DUSP8: variants seen among roughly 807,000 people sequenced by gnomAD.
The protein encoded by DUSP8 is dual specificity phosphatase 8, also known as dual specificity protein phosphatase 8.
A neutral mutation model predicts 38.7 loss-of-function variants in DUSP8; 15 were observed. The observed-to-expected ratio is 0.39, with a 90% CI of 0.26 to 0.60. The LOEUF (loss-of-function observed/expected upper bound fraction) is 0.60. Ranked by LOEUF, DUSP8 falls within the 20% of genes least tolerant of loss-of-function variation. The pLI is 0.56. For missense variants in DUSP8, 768 were observed against 915.0 expected (o/e 0.84, Z 2.07); for synonymous variants, 458 against 433.9 (o/e 1.06, Z -0.69).
intron 3 of DUSP8, among the ~76,000 whole-genome samples, chr11:1,559,950 G>A (rs1483514802): frequency 1.3e-5 from 2 of 152,228 alleles, no homozygotes; most frequent in Non-Finnish European, 2.9e-5. Flanking sequence ...CCTCCTGCCT[G>A]CCACACAGCA....
At position 1,555,348 on chromosome 11, in the gene DUSP8, C is replaced by T. The variant is rs1374457128; in HGVS notation, c.*1170G>A. The T allele has an allele frequency of 1.0e-6, 1 of 987,774 alleles. No individual in the cohort carries two copies. Among genetic ancestry groups the T allele is most frequent in the Non-Finnish European group, 1.2e-6 (1 of 830,182 alleles). 61.2% of individuals were successfully genotyped at this position (987,774 alleles called of 1,614,324 possible). ...TTTACCTGTCTTGAGGCAGTGCTCCCTAAGTGAAGCAGGCCTATCCCAGCA... is the reference window on the plus strand; with the variant it reads ...TTTACCTGTCTTGAGGCAGTGCTCCTTAAGTGAAGCAGGCCTATCCCAGCA... On this transcript the variant is annotated 3_prime_UTR_variant, in exon 7 of 7. Coordinates refer to ENST00000397374, the MANE Select transcript of DUSP8 (RefSeq NM_004420.3).
chr11:1,559,048 G>A lies in DUSP8; in HGVS notation c.378C>T (p.Phe126=), dbSNP rs1484722275. The change falls in exon 4 of 7, where the codon TTC becomes TTT. Residue 126 remains phenylalanine (F), a synonymous_variant. Coordinates refer to ENST00000397374, the MANE Select transcript of DUSP8 (RefSeq NM_004420.3). ...CGGGGAAGCAGGAGGAGAAGGTGGC[G>A]AAGCCCCCTGTAGGAGGAGGGCCGT... ...FDSVAILTGG[F]ATFSSCFPGL... 8.7e-6 allele frequency: 14 copies of A among 1,609,518 alleles called. No homozygotes were observed. The East Asian group carries it at 1.1e-4, about 13-fold the overall frequency.
Position 1,555,248 on chromosome 11 carries a change from G to C in DUSP8, c.*1270C>G, listed in dbSNP as rs959384099. On this transcript the variant is annotated 3_prime_UTR_variant, in exon 7 of 7. Coordinates refer to ENST00000397374, the MANE Select transcript of DUSP8 (RefSeq NM_004420.3). ...GGGGCTGGCATGCCACCTAGAGAGA[G>C]AGCACCCTGGGAAAGGGGTGAATGG... 3.0e-6 allele frequency: 3 copies of C among 987,764 alleles called. No individual in the cohort carries two copies. The highest frequency in any genetic ancestry group is 3.6e-6 in the Non-Finnish European group (3 of 830,184). 61.2% of individuals were successfully genotyped at this position (987,764 alleles called of 1,614,324 possible). A position where few individuals can be genotyped will look rare whatever the true frequency, so the allele number is the denominator to read the frequency against.
rs1590800434 is a variant in DUSP8 at position 1,557,352 on chromosome 11, C to T, written c.1044G>A (p.Arg348=). The T allele has an allele frequency of 1.3e-6, 2 of 1,553,390 alleles. No individual in the cohort carries two copies. Among genetic ancestry groups the T allele is most frequent in the South Asian group, 1.2e-5 (1 of 85,352 alleles). ...ESAATGNAAA[R]EGGLSAGGEP... ...CCCCGCCCGCGCTCAGGCCGCCCTC[C>T]CTGGCAGCCGCATTCCCTGTGGCAG... Residue 348 remains arginine, a synonymous_variant, in exon 7 of 7, where the codon AGG becomes AGA. Coordinates refer to ENST00000397374, the MANE Select transcript of DUSP8 (RefSeq NM_004420.3). The surrounding 1 kb of genome is among the most constrained non-coding windows in gnomAD (Gnocchi z 9.9).
rs1401234839 is a variant in DUSP8, at chr11:1,556,516, G to T, written c.*2C>A. 2.3e-6 allele frequency: 3 copies of T among 1,291,512 alleles called. No homozygotes were observed. The highest frequency in any genetic ancestry group is 3.6e-5 in the Admixed American group (1 of 27,580). 80.0% of individuals were successfully genotyped at this position (1,291,512 alleles called of 1,614,324 possible). On this transcript the variant is annotated 3_prime_UTR_variant, in exon 7 of 7. Transcript: ENST00000397374. This position sits in a 1 kb window ranked among gnomAD's most constrained non-coding sequence, Gnocchi z 5.2. ...GCGGCGGGGCCGAGGGCAGCGGAGGGGTCAGGACACCTCGATGACCTCCAC... is the reference window on the plus strand; with the variant it reads ...GCGGCGGGGCCGAGGGCAGCGGAGGTGTCAGGACACCTCGATGACCTCCAC...
Position 1,556,794 on chromosome 11 carries a change from C to T in DUSP8, c.1602G>A (p.Ala534=), listed in dbSNP as rs1848632196. The T allele has an allele frequency of 8.5e-7, 1 of 1,178,386 alleles. No individual in the cohort carries two copies. The allele number at this position is 1,178,386 out of a possible 1,614,324, so 73.0% of individuals were successfully genotyped here. The change falls in exon 7 of 7, where the codon GCG becomes GCA. Residue 534 remains alanine, a synonymous_variant. Coordinates refer to ENST00000397374, the MANE Select transcript of DUSP8 (RefSeq NM_004420.3). The surrounding 1 kb of genome is among the most constrained non-coding windows in gnomAD (Gnocchi z 5.2). ...CGAAGGGCGCAAACAGCACCCCGCCCGCCCCCTGTGCGCCCTCGGGGCTGA... is the reference window on the plus strand; with the variant it reads ...CGAAGGGCGCAAACAGCACCCCGCCTGCCCCCTGTGCGCCCTCGGGGCTGA... ...WCFSPEGAQG[A]GGVLFAPFGR...
Position 1,554,637 on chromosome 11 carries a change from G to T in DUSP8, c.*1881C>A. Reference sequence around the variant, plus strand: ...GGCCTGCAGAAGGGACAAGGGGAAGGGGGAAGGGAGAAGGGGGCCCAACCA... The same window carrying T: ...GGCCTGCAGAAGGGACAAGGGGAAGTGGGAAGGGAGAAGGGGGCCCAACCA... On this transcript the variant is annotated 3_prime_UTR_variant, in exon 7 of 7. Coordinates refer to ENST00000397374, the MANE Select transcript of DUSP8 (RefSeq NM_004420.3). The T allele has an allele frequency of 1.0e-6, 1 of 987,624 alleles. No individual in the cohort carries two copies. 61.2% of individuals were successfully genotyped at this position (987,624 alleles called of 1,614,324 possible).
rs1414500830 is a variant in DUSP8 at position 1,565,831 on chromosome 11, G to A, written c.-5C>T. ...CGGGAGCCGGTCCCCAGCCATGGTG[G>A]GGCAATGGGTGCTGGGGAGGGTGAC... On this transcript the variant is annotated 5_prime_UTR_variant, in exon 2 of 7. Coordinates refer to ENST00000397374, the MANE Select transcript of DUSP8 (RefSeq NM_004420.3). 1 of 1,603,964 alleles carries A rather than the reference G, an allele frequency of 6.2e-7. No individual in the cohort carries two copies.
chr11:1,556,411 T>A lies in DUSP8; in HGVS notation c.*107A>T. 8.2e-6 allele frequency: 10 copies of A among 1,216,814 alleles called. No individual in the cohort carries two copies. The highest frequency in any genetic ancestry group is 1.0e-5 in the Non-Finnish European group (10 of 975,044). The allele number at this position is 1,216,814 out of a possible 1,614,324, so 75.4% of individuals were successfully genotyped here. ...TAAATAAAAAATCGAAATATTTACTTCTCGATAAAAATCCCAGTAAAACCA... is the reference window on the plus strand; with the variant it reads ...TAAATAAAAAATCGAAATATTTACTACTCGATAAAAATCCCAGTAAAACCA... On this transcript the variant is annotated 3_prime_UTR_variant, in exon 7 of 7. Coordinates refer to ENST00000397374, the MANE Select transcript of DUSP8 (RefSeq NM_004420.3). The surrounding 1 kb of genome is among the most constrained non-coding windows in gnomAD (Gnocchi z 5.2).
rs774602842 is a variant in DUSP8, at chr11:1,565,560, ACG to A, written c.231+34_231+35del. 22 of 1,539,136 alleles carry A rather than the reference ACG, an allele frequency of 1.4e-5. No individual in the cohort carries two copies. The African/African-American group carries it at 2.4e-4, about 17-fold the overall frequency. ...AGGGCCCCTTAGCTGTGGACCCTGG[ACG>A]TGATGCATGCCTGGTGGGCAGTGGG... is the stretch of plus-strand genomic sequence containing the variant. On this transcript the variant is annotated intron_variant, in intron 2 of 6. Transcript: ENST00000397374.
intron 1 of DUSP8, among the ~76,000 whole-genome samples, chr11:1,566,194 C>A (rs562168545): frequency 2.4e-4 from 36 of 152,212 alleles, no homozygotes; most frequent in Non-Finnish European, 4.1e-4. Flanking sequence ...TTCCTGTGGG[C>A]CCTGGGGTTC....
chr11:1,562,475 T>G (rs1848731929), intron 3 of DUSP8, among the ~76,000 whole-genome samples: 1 of 152,178 alleles, frequency 6.6e-6, no homozygotes, highest in Non-Finnish European at 1.5e-5. Flanking sequence ...TCAGAGTGCG[T>G]CATTCTGTGG....
rs776913438 is a variant in DUSP8, at chr11:1,565,761, G to A, written c.66C>T (p.Gly22=). ...DAKKLASLLR[G]GPGGPLVIDS... is the part of the protein sequence containing the mutation. ...CGATGACCAGCGGCCCCCCAGGCCCGCCCCGCAGCAGGCTGGCCAGCTTCT... is the reference window on the plus strand; with the variant it reads ...CGATGACCAGCGGCCCCCCAGGCCCACCCCGCAGCAGGCTGGCCAGCTTCT... The change falls in exon 2 of 7, where the codon GGC becomes GGT. Residue 22 remains glycine, a synonymous_variant. Coordinates refer to ENST00000397374, the MANE Select transcript of DUSP8 (RefSeq NM_004420.3). 9.3e-6 allele frequency: 15 copies of A among 1,611,316 alleles called. No homozygotes were observed. The highest frequency in any genetic ancestry group is 1.8e-4 in the Middle Eastern group (1 of 5,546).
intron 2 of DUSP8, among the ~76,000 whole-genome samples, chr11:1,564,208 G>A (rs1848766510): frequency 6.6e-6 from 1 of 152,210 alleles, no homozygotes. Flanking sequence ...AGCAAGCCAT[G>A]GGGGCAGGGA....
chr11:1,556,295 G>GT lies in DUSP8; in HGVS notation c.*222dup, dbSNP rs909815795. 3 of 573,738 alleles carry GT rather than the reference G, an allele frequency of 5.2e-6. No homozygotes were observed. Among genetic ancestry groups the GT allele is most frequent in the South Asian group, 9.4e-5 (1 of 10,608 alleles). 35.5% of individuals were successfully genotyped at this position (573,738 alleles called of 1,614,324 possible). A position where few individuals can be genotyped will look rare whatever the true frequency, so the allele number is the denominator to read the frequency against. On this transcript the variant is annotated 3_prime_UTR_variant, in exon 7 of 7. Coordinates refer to ENST00000397374, the MANE Select transcript of DUSP8 (RefSeq NM_004420.3). The surrounding 1 kb of genome is among the most constrained non-coding windows in gnomAD (Gnocchi z 5.2). Reference sequence around the variant, plus strand: ...AGGTGGCCTCGTATTGCTTAGAAACGTATGTTTCAGTTTAAATACCAGACA... The same window carrying GT: ...AGGTGGCCTCGTATTGCTTAGAAACGTTATGTTTCAGTTTAAATACCAGACA...
chr11:1,565,174 A>G (rs141719652), intron 2 of DUSP8, among the ~76,000 whole-genome samples: 1 of 152,274 alleles, frequency 6.6e-6, no homozygotes, highest in Non-Finnish European at 1.5e-5. Flanking sequence ...ACAGCAGTGG[A>G]AGTGGACCAC....
At chr11:1,561,396 C>T (rs891648382) in intron 3 of DUSP8, among the ~76,000 whole-genome samples, 7 of 152,214 alleles carry the variant, frequency 4.6e-5, no homozygotes, top group East Asian at 1.9e-4. Context: ...CACTTCTGCC[C>T]GCCACCTCCA....
Position 1,555,379 on chromosome 11 carries a change from G to C in DUSP8, c.*1139C>G. ...GAAGCAGGCCTATCCCAGCAGCACA[G>C]GGGCTTGGCTGGCGCCTGAACTCCC... is the stretch of plus-strand genomic sequence containing the variant. On this transcript the variant is annotated 3_prime_UTR_variant, in exon 7 of 7. Transcript: ENST00000397374. The C allele has an allele frequency of 1.0e-6, 1 of 987,416 alleles. No homozygotes were observed. The highest frequency in any genetic ancestry group is 1.2e-6 in the Non-Finnish European group (1 of 830,120). 61.2% of individuals were successfully genotyped at this position (987,416 alleles called of 1,614,324 possible).
At position 1,557,994 on chromosome 11, in the gene DUSP8, C is replaced by A. The variant is rs1590801180; in HGVS notation, c.698-77G>T. ...TCCCTGGCCCAGGTAGGGGACCCCA[C>A]CCGCCCAACTGCCAACAGTTCCGGC... On this transcript the variant is annotated intron_variant, in intron 5 of 6. Transcript: ENST00000397374. This position sits in a 1 kb window ranked among gnomAD's most constrained non-coding sequence, Gnocchi z 9.9. 1.2e-6 allele frequency: 2 copies of A among 1,610,380 alleles called. No homozygotes were observed. The highest frequency in any genetic ancestry group is 3.5e-4 in the Middle Eastern group (2 of 5,752).
Sources: gnomAD v4.1 joint callset for allele counts (sites outside exome capture counted in the v4.1 genomes callset) on GRCh38, gnomAD v4.1.1 for gene constraint, Gnocchi (gnomAD v3.1) non-coding constraint, MANE v1.5 for transcripts, NCBI Gene and HGNC (gene_info 2026-07-23, HGNC 2026-07-21) for gene names.